Variants in NXPH1 observed in about 807,000 individuals in gnomAD.
NXPH1 encodes the protein neurexophilin 1.
NXPH1 carries 5 observed loss-of-function variants against 23.7 expected under a neutral mutation model. The observed-to-expected ratio is 0.21, with a 90% CI of 0.11 to 0.44. The LOEUF (loss-of-function observed/expected upper bound fraction) is 0.44, where lower values mean the gene tolerates loss of function less well. Ranked by LOEUF, NXPH1 falls within the 20% of genes least tolerant of loss-of-function variation. NXPH1 has a pLI of 0.99. For synonymous variants in NXPH1, 144 were observed against 122.2 expected, an observed-to-expected ratio of 1.18 and a Z score of -1.18; for missense variants, 324 against 321.6, an observed-to-expected ratio of 1.01 and a Z score of -0.06.
chr7:8,547,275 C>A (rs1818211377), intron 2 of NXPH1, among the ~76,000 whole-genome samples: 1 of 151,342 alleles, frequency 6.6e-6, no homozygotes, highest in African/African-American at 2.4e-5. Context: ...GAAGTATCTT[C>A]TTTTGCAAAT....
chr7:8,746,496 T>C (rs2115232485), intron 2 of NXPH1, among the ~76,000 whole-genome samples: 1 of 152,328 alleles, frequency 6.6e-6, no homozygotes, highest in East Asian at 1.9e-4. Context: ...AGGATGAGCA[T>C]AATTTTAGCT....
intron 2 of NXPH1, among the ~76,000 whole-genome samples, chr7:8,472,197 T>G (rs1161711935): frequency 6.6e-6 from 1 of 152,148 alleles, no homozygotes; most frequent in Non-Finnish European, 1.5e-5. Context: ...TAATTGTGCT[T>G]TGACTTGTAC....
intron 2 of NXPH1, among the ~76,000 whole-genome samples, chr7:8,658,275 G>A (rs766772326): frequency 3.3e-5 from 5 of 152,146 alleles, no homozygotes; most frequent in Non-Finnish European, 5.9e-5. Flanking sequence ...CTACTACTAT[G>A]TTTTATTCTT....
chr7:8,643,731 A>T (rs1487069833), intron 2 of NXPH1, among the ~76,000 whole-genome samples: 1 of 152,008 alleles, frequency 6.6e-6, no homozygotes, highest in Admixed American at 6.6e-5. Context: ...TAGGTTCTTT[A>T]TTACTTTATT....
intron 2 of NXPH1, among the ~76,000 whole-genome samples, chr7:8,441,380 T>C (rs753238740): frequency 2.0e-5 from 3 of 151,960 alleles, no homozygotes; most frequent in Admixed American, 6.6e-5. Context: ...ACTAACCCCC[T>C]CCCGGAGCTT....
chr7:8,552,617 T>C (rs1168275896), intron 2 of NXPH1, among the ~76,000 whole-genome samples: 1 of 151,564 alleles, frequency 6.6e-6, no homozygotes, highest in Non-Finnish European at 1.5e-5. Flanking sequence ...GTTTTCACTC[T>C]AAAATGGGCA....
chr7:8,440,541 C>T (rs902036757), intron 2 of NXPH1, among the ~76,000 whole-genome samples: 1 of 152,044 alleles, frequency 6.6e-6, no homozygotes, highest in Non-Finnish European at 1.5e-5. Context: ...TATCAGGTGG[C>T]TGGGAAATTG....
At chr7:8,436,317 T>A (rs1379453914) in intron 2 of NXPH1, among the ~76,000 whole-genome samples, 1 of 152,110 alleles carries the variant, frequency 6.6e-6, no homozygotes, top group Non-Finnish European at 1.5e-5. Flanking sequence ...GCAATCGGAG[T>A]TAGGACAGAG....
intron 2 of NXPH1, among the ~76,000 whole-genome samples, chr7:8,587,455 G>A (rs939549981): frequency 2.6e-5 from 4 of 152,004 alleles, no homozygotes; most frequent in African/African-American, 4.8e-5. Context: ...TGGGACTATA[G>A]GTGCATGCCA....
At chr7:8,520,622 G>A (rs1235608183) in intron 2 of NXPH1, among the ~76,000 whole-genome samples, 1 of 152,124 alleles carries the variant, frequency 6.6e-6, no homozygotes, top group Non-Finnish European at 1.5e-5. Flanking sequence ...CTGCAACCTT[G>A]CAGGTATTCT....
At chr7:8,624,349 A>C (rs1355014861) in intron 2 of NXPH1, among the ~76,000 whole-genome samples, 2 of 152,192 alleles carry the variant, frequency 1.3e-5, no homozygotes, top group African/African-American at 4.8e-5. Flanking sequence ...TGTTGGAGGA[A>C]GGTTGTCCAG....
chr7:8,520,897 T>G (rs1160868432), intron 2 of NXPH1, among the ~76,000 whole-genome samples: 1 of 152,158 alleles, frequency 6.6e-6, no homozygotes, highest in Non-Finnish European at 1.5e-5. Context: ...AAGGGGGACA[T>G]TTCAAAGTTG....
chr7:8,745,902 T>C (rs1476873740), intron 2 of NXPH1, among the ~76,000 whole-genome samples: 1 of 152,054 alleles, frequency 6.6e-6, no homozygotes, highest in Non-Finnish European at 1.5e-5. Flanking sequence ...CTCTGGCCCA[T>C]GCACTAGCTG....
At chr7:8,444,570 C>T (rs1359026523) in intron 2 of NXPH1, among the ~76,000 whole-genome samples, 1 of 152,222 alleles carries the variant, frequency 6.6e-6, no homozygotes, top group Non-Finnish European at 1.5e-5. Flanking sequence ...CCTGATGCCC[C>T]CGATGGACAG....
chr7:8,513,853 A>C (rs1408597263), intron 2 of NXPH1, among the ~76,000 whole-genome samples: 1 of 152,074 alleles, frequency 6.6e-6, no homozygotes, highest in African/African-American at 2.4e-5. Flanking sequence ...TGGAGGCCTA[A>C]ACAACAGAAA....
At chr7:8,647,941 C>G (rs531418686) in intron 2 of NXPH1, among the ~76,000 whole-genome samples, 1 of 152,008 alleles carries the variant, frequency 6.6e-6, no homozygotes, top group African/African-American at 2.4e-5. Context: ...TAATGTGTTT[C>G]TATCTTAATT....
chr7:8,580,070 G>A (rs1818835869), intron 2 of NXPH1, among the ~76,000 whole-genome samples: 1 of 152,236 alleles, frequency 6.6e-6, no homozygotes, highest in African/African-American at 2.4e-5. Context: ...AAAATGGGCA[G>A]TGGCTGTTAG....
chr7:8,482,929 T>G (rs1226130058), intron 2 of NXPH1, among the ~76,000 whole-genome samples: 2 of 152,224 alleles, frequency 1.3e-5, no homozygotes, highest in African/African-American at 4.8e-5. Flanking sequence ...GAAGCTTAGT[T>G]TTTGTTATCC....
intron 2 of NXPH1, among the ~76,000 whole-genome samples, chr7:8,708,364 AT>A (rs1355291650): frequency 1.3e-5 from 2 of 151,606 alleles, no homozygotes; most frequent in East Asian, 3.9e-4. Flanking sequence ...ATTTTTTTAA[AT>A]TTTTTTGGTT....
Sources: allele counts gnomAD v4.1 joint callset (sites outside exome capture counted in the v4.1 genomes callset), GRCh38; gene constraint gnomAD v4.1.1; transcripts MANE v1.5; gene names NCBI Gene and HGNC (gene_info 2026-07-23, HGNC 2026-07-21).